Variants in TMEM209 observed in about 807,000 individuals in gnomAD.
TMEM209 encodes testicular tissue protein Li 202.
TMEM209 carries 65 observed loss-of-function variants against 76.2 expected under a neutral mutation model. The ratio of observed to expected loss-of-function variants is 0.85; its 90% CI spans 0.70 to 1.05. TMEM209 has a LOEUF of 1.05. Among genes scored for constraint, TMEM209 ranks in the 50% least tolerant of loss-of-function variants. The probability of loss-of-function intolerance (pLI) is 0.00; values close to 1 mark genes in which losing one functional copy is unlikely to be tolerated. For missense variants in TMEM209, 623 were observed against 685.5 expected (o/e 0.91, Z 1.02); for synonymous variants, 239 against 237.6 (o/e 1.01, Z -0.06).
intron 6 of TMEM209, among the ~76,000 whole-genome samples, chr7:130,187,349 A>G (rs1278436555): frequency 1.3e-5 from 2 of 152,140 alleles, no homozygotes; most frequent in Admixed American, 1.3e-4. Flanking sequence ...TAAAAATGAA[A>G]AGAGAATTAA....
intron 5 of TMEM209, among the ~76,000 whole-genome samples, chr7:130,201,088 C>CAAAAAAAAAA (rs869309249): frequency 1.3e-5 from 1 of 74,168 alleles, no homozygotes; most frequent in African/African-American, 5.9e-5. Context: ...GACTCTGTCT[C>CAAAAAAAAAA]AAAAAAAAAA....
intron 9 of TMEM209, among the ~76,000 whole-genome samples, chr7:130,180,556 C>T (rs2049692): frequency 0.24 from 35,779 of 151,830 alleles, 4,902 homozygotes; most frequent in East Asian, 0.57. Context: ...TTAGTACAGA[C>T]GGGGTTTTCA....
chr7:130,169,623 G>C (rs2116968118), intron 14 of TMEM209, among the ~76,000 whole-genome samples: 1 of 152,294 alleles, frequency 6.6e-6, no homozygotes, highest in African/African-American at 2.4e-5. Flanking sequence ...GGATGGCACA[G>C]TTCTAGGACA....
chr7:130,185,420 A>C, intron 6 of TMEM209, 53 bp from the exon 7 acceptor site: 1 of 1,512,276 alleles, frequency 6.6e-7, no homozygotes, highest in Admixed American at 1.8e-5. Flanking sequence ...TCTGACATCT[A>C]CAGTTAACAC....
In TMEM209 at chr7:130,170,493, G is replaced by T; in HGVS notation, c.1558-20C>A. 1 of 1,598,682 alleles carries T rather than the reference G, an allele frequency of 6.3e-7. No homozygotes were observed. Among genetic ancestry groups the T allele is most frequent in the East Asian group, 2.2e-5 (1 of 44,716 alleles). The stretch of plus-strand genomic sequence containing the variant: ...TCTGCCCTGGAACAAAGACAAAAAA[G>T]ACAAGATTTAAACCAAATGAAAAAG... On this transcript the variant is annotated intron_variant, in intron 13 of 14. Transcript: ENST00000397622.
chr7:130,201,427 G>T (rs927783520), intron 5 of TMEM209, among the ~76,000 whole-genome samples: 1 of 145,420 alleles, frequency 6.9e-6, no homozygotes, highest in African/African-American at 2.5e-5. Flanking sequence ...GTACTCATTG[G>T]AAAAAAAAAA....
rs562831752 is a variant in TMEM209, at chr7:130,165,717, A to T, written c.*734T>A. 8.6e-5 allele frequency: 13 copies of T among 151,722 alleles called. 1 individual carries two copies. In the South Asian group the frequency reaches 2.3e-3, roughly 27 times the overall value. The allele number at this position is 151,722 out of a possible 1,614,324, so 9.4% of individuals were successfully genotyped here. On this transcript the variant is annotated 3_prime_UTR_variant, in exon 15 of 15. Coordinates refer to ENST00000397622, the MANE Select transcript of TMEM209 (RefSeq NM_032842.4). ...GAAACATTAAAAAAAAAAAAAAAAA[A>T]ACTAAATCAGCAATTTTCTTACTTT...
chr7:130,176,631 C>T (rs1797245734), intron 10 of TMEM209, among the ~76,000 whole-genome samples: 1 of 151,916 alleles, frequency 6.6e-6, no homozygotes, highest in Non-Finnish European at 1.5e-5. Context: ...CAGCAAAACC[C>T]ACACTATGGG....
intron 8 of TMEM209, among the ~76,000 whole-genome samples, chr7:130,183,914 G>T (rs989864228): frequency 3.9e-5 from 6 of 152,042 alleles, no homozygotes; most frequent in African/African-American, 1.2e-4. Flanking sequence ...ATAAAACTGA[G>T]AACTGAAAAG....
intron 14 of TMEM209, among the ~76,000 whole-genome samples, chr7:130,169,892 C>A (rs909875362): frequency 3.3e-5 from 5 of 152,122 alleles, no homozygotes; most frequent in African/African-American, 4.8e-5. Context: ...AATTTCTAAT[C>A]ATCAAAATGA....
chr7:130,200,151 C>A (rs28590235), intron 5 of TMEM209, among the ~76,000 whole-genome samples: 23,922 of 148,582 alleles, frequency 0.16, 2,241 homozygotes, highest in East Asian at 0.28. Context: ...TTCTCTCTCT[C>A]TATATATATA....
intron 11 of TMEM209, among the ~76,000 whole-genome samples, chr7:130,174,439 T>C (rs1797171578): frequency 6.6e-6 from 1 of 152,174 alleles, no homozygotes; most frequent in Admixed American, 6.5e-5. Flanking sequence ...TCCCATTCCC[T>C]ACATATTTGA....
chr7:130,203,791 T>TAC lies in TMEM209; in HGVS notation c.195_196insGT (p.Ile66ValfsTer41). 1.2e-6 allele frequency: 2 copies of TAC among 1,601,570 alleles called. No homozygotes were observed. The highest frequency in any genetic ancestry group is 3.4e-5 in the Admixed American group (2 of 58,106). On this transcript the variant is annotated frameshift_variant, in exon 3 of 15. Coordinates refer to ENST00000397622, the MANE Select transcript of TMEM209 (RefSeq NM_032842.4). LOFTEE classifies it high-confidence loss of function. ...ACAGTGAAAATTACTTACTTACCAA[T>TAC]ATACCAGAGGGGCCAGTATGTCACA... is the stretch of plus-strand genomic sequence containing the variant.
chr7:130,205,193 C>A, intron 1 of TMEM209, 180 bp downstream of exon 1: 1 of 1,529,626 alleles, frequency 6.5e-7, no homozygotes, highest in Non-Finnish European at 8.8e-7. Context: ...AGCTTCCCTC[C>A]CCGGCTCCTG....
Position 130,165,912 on chromosome 7 carries a change from G to A in TMEM209, c.*539C>T, listed in dbSNP as rs1796868382. 1 of 152,142 alleles carries A rather than the reference G, an allele frequency of 6.6e-6. No homozygotes were observed. Among genetic ancestry groups the A allele is most frequent in the Non-Finnish European group, 1.5e-5 (1 of 68,102 alleles). 9.4% of individuals were successfully genotyped at this position (152,142 alleles called of 1,614,324 possible). ...GTCTCTACTAAAAATACAAAAATTA[G>A]CTGGGCGTGGTGGTGCATGCCTGTA... On this transcript the variant is annotated 3_prime_UTR_variant, in exon 15 of 15. Transcript: ENST00000397622.
chr7:130,201,007 T>C (rs1189659135), intron 5 of TMEM209, among the ~76,000 whole-genome samples: 1 of 133,386 alleles, frequency 7.5e-6, no homozygotes, highest in Non-Finnish European at 1.5e-5. Flanking sequence ...GAGAATGGCA[T>C]GAGCCCGGGA....
intron 8 of TMEM209, among the ~76,000 whole-genome samples, chr7:130,183,413 T>C (rs186677938): frequency 6.6e-6 from 1 of 152,358 alleles, no homozygotes; most frequent in Admixed American, 6.5e-5. Flanking sequence ...TCCAGGTTTC[T>C]GTTTCAATAA....
chr7:130,184,319 C>T, intron 7 of TMEM209, 64 bp from the exon 8 acceptor site: 1 of 1,176,582 alleles, frequency 8.5e-7, no homozygotes, highest in Non-Finnish European at 1.2e-6. Context: ...AATCATCATT[C>T]TTTCTCCCAT....
At chr7:130,189,484 A>T (rs1797720953) in intron 6 of TMEM209, among the ~76,000 whole-genome samples, 1 of 152,176 alleles carries the variant, frequency 6.6e-6, no homozygotes, top group Non-Finnish European at 1.5e-5. Context: ...AGCGTGAGCC[A>T]CTGAGCCCAG....
Sources: gnomAD v4.1 joint callset for allele counts (sites outside exome capture counted in the v4.1 genomes callset) on GRCh38, gnomAD v4.1.1 for gene constraint, MANE v1.5 for transcripts, NCBI Gene and HGNC (gene_info 2026-07-23, HGNC 2026-07-21) for gene names.